The following PDGFRL variants were observed in gnomAD, a reference collection of about 807,000 sequenced individuals.
The protein encoded by PDGFRL is platelet-derived growth factor receptor-like protein.
Under a neutral mutation model 37.2 loss-of-function variants are expected in PDGFRL, and 46 were observed. The observed-to-expected ratio is 1.24, with a 90% CI of 0.98 to 1.58. The LOEUF (loss-of-function observed/expected upper bound fraction) is 1.58, where lower values mean the gene tolerates loss of function less well. PDGFRL is among the 40% of genes most tolerant of loss of function. The probability of loss-of-function intolerance (pLI) is 0.00; values close to 1 mark genes in which losing one functional copy is unlikely to be tolerated. For synonymous variants in PDGFRL, 251 were observed against 184.3 expected, an observed-to-expected ratio of 1.36 and a Z score of -2.93; for missense variants, 692 against 467.6, an observed-to-expected ratio of 1.48 and a Z score of -4.43.
At chr8:17,633,239 G>C (rs1046266484) in intron 4 of PDGFRL, among the ~76,000 whole-genome samples, 2 of 152,070 alleles carry the variant, frequency 1.3e-5, no homozygotes, top group African/African-American at 4.8e-5. Flanking sequence ...GATCAGCTTG[G>C]GCAACATAGA....
chr8:17,632,576 A>T (rs1273716328), intron 4 of PDGFRL, among the ~76,000 whole-genome samples: 1 of 152,144 alleles, frequency 6.6e-6, no homozygotes, highest in African/African-American at 2.4e-5. Context: ...ACCTCAGGTG[A>T]TCTGCCCACC....
intron 3 of PDGFRL, among the ~76,000 whole-genome samples, chr8:17,623,806 G>T (rs2517219): frequency 0.94 from 140,523 of 150,156 alleles, 65,491 homozygotes; most frequent in Non-Finnish European, 0.95. Flanking sequence ...TCTCGGAGTT[G>T]GTGGTTGCAG....
chr8:17,602,095 C>T (rs73198175), intron 2 of PDGFRL, among the ~76,000 whole-genome samples: 33,354 of 152,122 alleles, frequency 0.22, 4,314 homozygotes, highest in African/African-American at 0.33. Context: ...ATGTAAACTT[C>T]CCCTTTCCTC....
At chr8:17,633,665 C>T (rs1044829635) in intron 4 of PDGFRL, among the ~76,000 whole-genome samples, 3 of 152,208 alleles carry the variant, frequency 2.0e-5, no homozygotes, top group Admixed American at 6.5e-5. Context: ...ATTTTCTGTT[C>T]GTCTTCTGCG....
At chr8:17,597,963 G>A (rs1274100818) in intron 2 of PDGFRL, among the ~76,000 whole-genome samples, 2 of 151,472 alleles carry the variant, frequency 1.3e-5, no homozygotes, top group East Asian at 3.9e-4. Flanking sequence ...TTCCATCAAT[G>A]TTATATAGCA....
intron 4 of PDGFRL, among the ~76,000 whole-genome samples, chr8:17,633,045 C>A (rs1056266918): frequency 6.6e-6 from 1 of 152,184 alleles, no homozygotes; most frequent in African/African-American, 2.4e-5. Context: ...CAGTGTCCCG[C>A]CCCTTTGCTA....
At chr8:17,621,229 C>T (rs1395040968) in intron 3 of PDGFRL, 27 bp downstream of exon 3, 1 of 1,543,656 alleles carries the variant, frequency 6.5e-7, no homozygotes, top group Non-Finnish European at 8.9e-7. Flanking sequence ...ATTAATGGAA[C>T]TCTTCAAACT....
At chr8:17,630,825 C>T (rs1332058551) in intron 4 of PDGFRL, among the ~76,000 whole-genome samples, 2 of 126,710 alleles carry the variant, frequency 1.6e-5, no homozygotes, top group Admixed American at 7.9e-5. Context: ...CTGTCACAAG[C>T]CCCCTTGGTG....
chr8:17,578,079 G>A (rs1355693546), intron 1 of PDGFRL, among the ~76,000 whole-genome samples: 1 of 151,524 alleles, frequency 6.6e-6, no homozygotes, highest in East Asian at 2.0e-4. Context: ...TATTACTGTG[G>A]TGTGTATTAT....
At chr8:17,603,629 C>A (rs1056789912) in intron 2 of PDGFRL, among the ~76,000 whole-genome samples, 1 of 152,088 alleles carries the variant, frequency 6.6e-6, no homozygotes, top group South Asian at 2.1e-4. Flanking sequence ...TCCTTTCTTC[C>A]CACTGTTTTA....
intron 2 of PDGFRL, among the ~76,000 whole-genome samples, chr8:17,611,446 C>T (rs1804409695): frequency 6.6e-6 from 1 of 152,316 alleles, no homozygotes; most frequent in South Asian, 2.1e-4. Context: ...TGAGTGCATG[C>T]TCTTAACCGC....
intron 1 of PDGFRL, 147 bp downstream of exon 1, chr8:17,577,454 G>T: frequency 1.4e-6 from 1 of 707,544 alleles, no homozygotes; most frequent in Non-Finnish European, 2.5e-6. Flanking sequence ...CGGTGCACCT[G>T]CCCCCTCCTG....
At chr8:17,588,440 GC>G (rs1481415464) in intron 1 of PDGFRL, among the ~76,000 whole-genome samples, 1 of 152,054 alleles carries the variant, frequency 6.6e-6, no homozygotes, top group Non-Finnish European at 1.5e-5. Flanking sequence ...ACTTTGGGAG[GC>G]CTACGTGGGA....
chr8:17,589,481 C>G lies in PDGFRL; in HGVS notation c.69C>G (p.His23Gln), dbSNP rs1373891085. 3.1e-6 allele frequency: 5 copies of G among 1,612,760 alleles called. No individual in the cohort carries two copies. The highest frequency in any genetic ancestry group is 3.3e-5 in the Admixed American group (2 of 59,922). The stretch of plus-strand genomic sequence containing the variant: ...TACGTTTTGCAGTTACTGGCCAACA[C>G]CTTCCCAAGAACAAGCGTCCAAAAG... Reference protein sequence around the residue: ...HEALEDVTGQHLPKNKRPKEP... With the variant: ...HEALEDVTGQQLPKNKRPKEP... Residue 23 changes from histidine (H) to glutamine (Q), a missense_variant, in exon 2 of 6, where the codon CAC becomes CAG. His to Gln is a conservative substitution (Grantham distance 24). Coordinates refer to ENST00000251630, the MANE Select transcript of PDGFRL (RefSeq NM_001372073.1).
chr8:17,637,757 G>T (rs7387536), intron 5 of PDGFRL, among the ~76,000 whole-genome samples: 65,901 of 151,972 alleles, frequency 0.43, 16,432 homozygotes, highest in Non-Finnish European at 0.56. Flanking sequence ...CTTGTTATTG[G>T]TCTGTTCAGA....
rs985242534 is a variant in PDGFRL at position 17,577,708 on chromosome 8, C to A, written c.55+401C>A. Among the ~76,000 whole-genome samples the A allele has an allele frequency of 4.6e-5, 7 of 151,758 alleles. No individual in the cohort carries two copies. In the East Asian group the frequency reaches 1.4e-3, roughly 30 times the overall value. Reference sequence around the variant, plus strand: ...TGGCTGGGACCTCTGCTGCTGAGAGCGAGTGCCACCTAAGCTCGGCAATCG... The same window carrying A: ...TGGCTGGGACCTCTGCTGCTGAGAGAGAGTGCCACCTAAGCTCGGCAATCG... On this transcript the variant is annotated intron_variant, in intron 1 of 5. Coordinates refer to ENST00000251630, the MANE Select transcript of PDGFRL (RefSeq NM_001372073.1).
At position 17,589,874 on chromosome 8, in the gene PDGFRL, A is replaced by C; in HGVS notation, c.353+109A>C. ...TTTCTGACATGTTCCATTTTACCCT[A>C]ATAGATCATAAAAATAGAAGCTCAA... is the stretch of plus-strand genomic sequence containing the variant. On this transcript the variant is annotated intron_variant, in intron 2 of 5. Transcript: ENST00000251630. 8 of 670,858 alleles carry C rather than the reference A, an allele frequency of 1.2e-5. 1 individual carries two copies. The South Asian group carries it at 1.6e-4, about 14-fold the overall frequency. 41.6% of individuals were successfully genotyped at this position (670,858 alleles called of 1,614,324 possible).
At chr8:17,584,353 C>A (rs1353176093) in intron 1 of PDGFRL, among the ~76,000 whole-genome samples, 1 of 152,070 alleles carries the variant, frequency 6.6e-6, no homozygotes, top group South Asian at 2.1e-4. Context: ...TTTCAAGTGG[C>A]GATGCTGAAT....
intron 3 of PDGFRL, among the ~76,000 whole-genome samples, chr8:17,625,980 G>A (rs933315193): frequency 2.6e-5 from 4 of 152,210 alleles, no homozygotes; most frequent in African/African-American, 9.6e-5. Context: ...GGGCAACAGC[G>A]TGAGACCCTG....
Sources: allele counts gnomAD v4.1 joint callset (sites outside exome capture counted in the v4.1 genomes callset), GRCh38; gene constraint gnomAD v4.1.1; transcripts MANE v1.5; gene names NCBI Gene and HGNC (gene_info 2026-07-23, HGNC 2026-07-21).